PPP1R13B: variants seen among roughly 807,000 people sequenced by gnomAD.
PPP1R13B encodes the protein apoptosis-stimulating of p53 protein 1.
A neutral mutation model predicts 119.8 loss-of-function variants in PPP1R13B; 44 were observed. The ratio of observed to expected loss-of-function variants is 0.37; its 90% CI spans 0.29 to 0.47. PPP1R13B has a LOEUF of 0.47. PPP1R13B is among the 20% of genes least tolerant of loss of function. PPP1R13B has a pLI of 0.99. For synonymous variants in PPP1R13B, 542 were observed against 561.5 expected, an observed-to-expected ratio of 0.97 and a Z score of 0.49; for missense variants, 1,227 against 1,413.5, an observed-to-expected ratio of 0.87 and a Z score of 2.12.
intron 1 of PPP1R13B, among the ~76,000 whole-genome samples, chr14:103,841,595 GA>G (rs974707971): frequency 2.0e-5 from 3 of 148,778 alleles, no homozygotes; most frequent in Non-Finnish European, 4.5e-5. Context: ...AACTCAAAAA[GA>G]AAAAAAAAGA....
rs761659655 is a variant in PPP1R13B at position 103,740,541 on chromosome 14, C to T, written c.1875G>A (p.Pro625=). Residue 625 remains proline (P), a synonymous_variant, in exon 12 of 17, where the codon CCG becomes CCA. Coordinates refer to ENST00000202556, the MANE Select transcript of PPP1R13B (RefSeq NM_015316.3). The surrounding 1 kb of genome is among the most constrained non-coding windows in gnomAD (Gnocchi z 4.6). ...PSGSTSPSPL[P]FLHGSLSTGT... ...CCGTGGACAGTGACCCGTGAAGAAA[C>T]GGCAGCGGCGATGGAGAGGTTGAAC... is the stretch of plus-strand genomic sequence containing the variant. The T allele has an allele frequency of 2.0e-5, 31 of 1,568,004 alleles. No homozygotes were observed. Among genetic ancestry groups the T allele is most frequent in the Admixed American group, 5.6e-5 (3 of 53,496 alleles).
upstream of PPP1R13B, chr14:103,848,211 G>A: frequency 9.2e-6 from 9 of 980,336 alleles, no homozygotes; most frequent in Non-Finnish European, 1.1e-5. Context: ...CCGAGCCTTG[G>A]CCTTCGCCCG....
intron 1 of PPP1R13B, among the ~76,000 whole-genome samples, chr14:103,826,614 A>T (rs2086547527): frequency 6.6e-6 from 1 of 151,892 alleles, no homozygotes. Context: ...AGTACAAAGC[A>T]GTTAAGTTTA....
At chr14:103,848,534 G>C (rs950059342), upstream of PPP1R13B, 1 of 974,280 alleles carries the variant, frequency 1.0e-6, no homozygotes. Context: ...GGACTGAGGT[G>C]CTCCCCGCGG....
At chr14:103,837,549 A>G (rs921676594) in intron 1 of PPP1R13B, among the ~76,000 whole-genome samples, 1 of 151,770 alleles carries the variant, frequency 6.6e-6, no homozygotes, top group Non-Finnish European at 1.5e-5. Context: ...ACACACTTAC[A>G]TGTGCATGCA....
rs149613273 is a variant in PPP1R13B at position 103,769,334 on chromosome 14, G to A, written c.354+9411C>T. ...TCAAACTCCTGGCCTCAAGTGATCT[G>A]CCCGCCTCAGCCTCCCAAAGTGCTG... On this transcript the variant is annotated intron_variant, in intron 4 of 16. Coordinates refer to ENST00000202556, the MANE Select transcript of PPP1R13B (RefSeq NM_015316.3). 3.7e-3 allele frequency among the ~76,000 whole-genome samples: 558 copies of A among 151,946 alleles called. 5 individuals are homozygous for A. Among genetic ancestry groups the A allele is most frequent in the African/African-American group, 0.013 (541 of 41,442 alleles).
chr14:103,791,074 C>G (rs1002451833), intron 2 of PPP1R13B, among the ~76,000 whole-genome samples: 11 of 151,878 alleles, frequency 7.2e-5, no homozygotes, highest in Non-Finnish European at 1.5e-4. Context: ...TAAAGAAAAT[C>G]CTGCCATTCA....
chr14:103,839,364 C>T (rs576168563), intron 1 of PPP1R13B, among the ~76,000 whole-genome samples: 15 of 151,928 alleles, frequency 9.9e-5, no homozygotes, highest in African/African-American at 3.1e-4. Flanking sequence ...CAGTGGCTCA[C>T]GCCTGTTAAC....
chr14:103,749,028 G>C (rs981045850), intron 8 of PPP1R13B, among the ~76,000 whole-genome samples: 6 of 152,142 alleles, frequency 3.9e-5, no homozygotes, highest in Non-Finnish European at 7.3e-5. Context: ...GGGTGGAAAG[G>C]ACTTTCACAT....
chr14:103,817,187 G>C (rs546270603), intron 1 of PPP1R13B, among the ~76,000 whole-genome samples: 1 of 152,122 alleles, frequency 6.6e-6, no homozygotes, highest in African/African-American at 2.4e-5. Context: ...ATCTAAATTC[G>C]GGCACTAATG....
intron 1 of PPP1R13B, among the ~76,000 whole-genome samples, chr14:103,806,544 G>T (rs184749719): frequency 1.3e-5 from 2 of 152,048 alleles, no homozygotes; most frequent in Non-Finnish European, 2.9e-5. Flanking sequence ...AGCAGGCCAC[G>T]CACCCCAAAA....
chr14:103,741,701 G>C, intron 11 of PPP1R13B, 89 bp downstream of exon 11: 1 of 1,440,954 alleles, frequency 6.9e-7, no homozygotes, highest in Non-Finnish European at 9.4e-7. Context: ...ATAGCACGTG[G>C]CCCAAACGTA....
intron 4 of PPP1R13B, among the ~76,000 whole-genome samples, chr14:103,767,189 C>A (rs1567107846): frequency 6.6e-6 from 1 of 152,108 alleles, no homozygotes; most frequent in Non-Finnish European, 1.5e-5. Flanking sequence ...GTGGTGCACA[C>A]CTCTAGTACC....
At position 103,734,319 on chromosome 14, in the gene PPP1R13B, C is replaced by CCCCCAG. The variant is rs1428116005; in HGVS notation, c.*829_*834dup. On this transcript the variant is annotated 3_prime_UTR_variant, in exon 17 of 17. Transcript: ENST00000202556. ...CCTGGTCTGCCCTCACACCAGTCCA[C>CCCCCAG]CCCCAGCCCCAACCCCAACCACCCT... The CCCCCAG allele has an allele frequency of 8.2e-6, 3 of 363,840 alleles. No homozygotes were observed. The highest frequency in any genetic ancestry group is 3.5e-5 in the Admixed American group (1 of 28,926). 22.5% of individuals were successfully genotyped at this position (363,840 alleles called of 1,614,324 possible).
At chr14:103,753,998 G>T in intron 6 of PPP1R13B, 72 bp downstream of exon 6, 2 of 1,509,694 alleles carry the variant, frequency 1.3e-6, no homozygotes, top group Non-Finnish European at 9.0e-7. Flanking sequence ...TGAATTGTCA[G>T]GCAGTTAGAC....
intron 7 of PPP1R13B, 133 bp from the exon 8 acceptor site, chr14:103,750,067 G>T: frequency 1.1e-6 from 1 of 925,586 alleles, no homozygotes; most frequent in Non-Finnish European, 1.6e-6. Context: ...GCCACCTTGT[G>T]TGGAATATTT....
chr14:103,737,601 G>A (rs8004408), intron 15 of PPP1R13B, 93 bp downstream of exon 15: 591,734 of 1,428,330 alleles, frequency 0.41, 124,858 homozygotes, highest in African/African-American at 0.56. Flanking sequence ...CAAACAGAAA[G>A]CTGTGCTGAA....
intron 1 of PPP1R13B, chr14:103,846,903 G>A (rs1243132857): frequency 3.4e-6 from 3 of 874,554 alleles, no homozygotes; most frequent in South Asian, 2.9e-5. Context: ...CTCCGGGCGC[G>A]GGTGCCCACC....
At chr14:103,761,330 G>C (rs1300865835) in intron 4 of PPP1R13B, among the ~76,000 whole-genome samples, 1 of 124,250 alleles carries the variant, frequency 8.0e-6, no homozygotes. Context: ...AAGTAGTAAA[G>C]ACTACAATTT....
Sources: gnomAD v4.1 joint callset for allele counts (sites outside exome capture counted in the v4.1 genomes callset) on GRCh38, gnomAD v4.1.1 for gene constraint, Gnocchi (gnomAD v3.1) non-coding constraint, MANE v1.5 for transcripts, NCBI Gene and HGNC (gene_info 2026-07-23, HGNC 2026-07-21) for gene names.